Variants in SFXN4 observed in about 807,000 individuals in gnomAD.
The protein encoded by SFXN4 is sideroflexin-4.
Under a neutral mutation model 54.6 loss-of-function variants are expected in SFXN4, and 48 were observed. The observed-to-expected ratio is 0.88, with a 90% CI of 0.70 to 1.12. The LOEUF is 1.12. Ranked by LOEUF, SFXN4 falls within the 50% of genes most tolerant of loss-of-function variation. The probability of loss-of-function intolerance (pLI) is 0.00; values close to 1 mark genes in which losing one functional copy is unlikely to be tolerated. For missense variants in SFXN4, 383 were observed against 409.2 expected, an observed-to-expected ratio of 0.94 and a Z score of 0.55; for synonymous variants, 130 against 145.5, an observed-to-expected ratio of 0.89 and a Z score of 0.77.
At chr10:119,155,248 T>G in intron 10 of SFXN4, 71 bp from the exon 11 acceptor site, 1 of 1,062,140 alleles carries the variant, frequency 9.4e-7, no homozygotes, top group East Asian at 2.4e-5. Context: ...AACATCTCTT[T>G]GGGTGTCTGC....
chr10:119,164,302 C>T lies in SFXN4; in HGVS notation c.112-106G>A, dbSNP rs552068092. 1.3e-5 allele frequency: 8 copies of T among 627,392 alleles called. No homozygotes were observed. In the African/African-American group the frequency reaches 1.3e-4, roughly 10 times the overall value. The allele number at this position is 627,392 out of a possible 1,614,324, so 38.9% of individuals were successfully genotyped here. ...TTTTTTTCTGAGAACCTGCCAGGGT[C>T]TGTGATCTGCCTTTTACTGGCATCA... On this transcript the variant is annotated intron_variant, in intron 1 of 13. Transcript: ENST00000355697.
At chr10:119,163,824 G>A (rs371609182) in intron 2 of SFXN4, among the ~76,000 whole-genome samples, 1 of 152,008 alleles carries the variant, frequency 6.6e-6, no homozygotes, top group Non-Finnish European at 1.5e-5. Flanking sequence ...GGCAGGGCCT[G>A]AGGTCGGGAG....
At chr10:119,147,432 G>C (rs1846863829) in intron 12 of SFXN4, among the ~76,000 whole-genome samples, 1 of 152,176 alleles carries the variant, frequency 6.6e-6, no homozygotes, top group African/African-American at 2.4e-5. Flanking sequence ...TTAGAGAGGA[G>C]GGCTTGAGCA....
At chr10:119,141,683 A>G (rs576527714) in intron 13 of SFXN4, among the ~76,000 whole-genome samples, 4 of 151,810 alleles carry the variant, frequency 2.6e-5, no homozygotes, top group South Asian at 2.1e-4. Flanking sequence ...TCCTTGGCCC[A>G]TTATTGTTAT....
At chr10:119,164,044 A>C (rs79146319) in intron 2 of SFXN4, 87 bp downstream of exon 2, 7 of 477,450 alleles carry the variant, frequency 1.5e-5, no homozygotes, top group Admixed American at 4.5e-5. Flanking sequence ...CCGTCTCAAA[A>C]AAAAAAAAAA....
intron 12 of SFXN4, among the ~76,000 whole-genome samples, chr10:119,147,518 G>A (rs563021201): frequency 2.0e-5 from 3 of 152,326 alleles, no homozygotes; most frequent in South Asian, 4.1e-4. Context: ...GGAAATGGCC[G>A]TGGAAGGTCC....
At position 119,158,019 on chromosome 10, in the gene SFXN4, A is replaced by G. The variant is rs1847344285; in HGVS notation, c.404T>C (p.Ile135Thr). The G allele has an allele frequency of 1.2e-6, 2 of 1,614,102 alleles. No homozygotes were observed. Among genetic ancestry groups the G allele is most frequent in the Non-Finnish European group, 1.7e-6 (2 of 1,180,024 alleles). Residue 135 changes from isoleucine to threonine, a missense_variant, in exon 7 of 14, where the codon ATT becomes ACT. Coordinates refer to ENST00000355697, the MANE Select transcript of SFXN4 (RefSeq NM_213649.2). ...AGGAAGAATGGCTACCTGAGGTAAA[A>G]TCACGGACTTGATCCCTTTCAGTGG... is the stretch of plus-strand genomic sequence containing the variant. The part of the protein sequence containing the change: ...MTPLKGIKSV[I>T]LPQVFLCAYM...
rs781706444 is a variant in SFXN4, at chr10:119,157,927, C to T, written c.415G>A (p.Val139Ile). The T allele has an allele frequency of 1.2e-6, 2 of 1,614,112 alleles. No individual in the cohort carries two copies. Among genetic ancestry groups the T allele is most frequent in the African/African-American group, 2.7e-5 (2 of 74,934 alleles). Residue 139 changes from valine to isoleucine, a missense_variant and splice_region_variant, in exon 8 of 14, where the codon GTT becomes ATT. Transcript: ENST00000355697. Reference sequence around the variant, plus strand: ...GCTGCCATGTAGGCACAGAGGAAAACCTGCCGAGAGGGGCAAATGGATCGC... The same window carrying T: ...GCTGCCATGTAGGCACAGAGGAAAATCTGCCGAGAGGGGCAAATGGATCGC... The part of the protein sequence containing the change: ...KGIKSVILPQ[V>I]FLCAYMAAFN...
chr10:119,159,798 C>G lies in SFXN4; in HGVS notation c.335-45G>C, dbSNP rs1391790040. 3 of 1,612,594 alleles carry G rather than the reference C, an allele frequency of 1.9e-6. No homozygotes were observed. The Admixed American group carries it at 5.0e-5, about 27-fold the overall frequency. Reference sequence around the variant, plus strand: ...GGAGGTGTCAGTGATCACAGTTGCCCAGGCAGAGGGGGCCAGAAGGGGACT... The same window carrying G: ...GGAGGTGTCAGTGATCACAGTTGCCGAGGCAGAGGGGGCCAGAAGGGGACT... On this transcript the variant is annotated intron_variant, in intron 5 of 13. Coordinates refer to ENST00000355697, the MANE Select transcript of SFXN4 (RefSeq NM_213649.2).
intron 2 of SFXN4, among the ~76,000 whole-genome samples, chr10:119,163,452 C>T (rs1265790677): frequency 6.6e-6 from 1 of 152,088 alleles, no homozygotes; most frequent in Non-Finnish European, 1.5e-5. Flanking sequence ...GGCTGGAGTG[C>T]AGTGGCAAGA....
chr10:119,162,446 A>C, intron 2 of SFXN4, 32 bp from the exon 3 acceptor site: 2 of 1,559,742 alleles, frequency 1.3e-6, no homozygotes, highest in Non-Finnish European at 1.8e-6. Context: ...TCAAGTAATG[A>C]TCTCAACATT....
At chr10:119,147,936 C>T (rs1206739643) in intron 11 of SFXN4, 76 bp from the exon 12 acceptor site, 8 of 1,185,426 alleles carry the variant, frequency 6.7e-6, no homozygotes, top group African/African-American at 3.0e-5. Flanking sequence ...TTTGGGAGGC[C>T]GAGGCGGGTA....
rs2133573218 is a variant in SFXN4, at chr10:119,146,235, C to T, written c.936+1G>A. On this transcript the variant is annotated splice_donor_variant, in intron 13 of 13. Coordinates refer to ENST00000355697, the MANE Select transcript of SFXN4 (RefSeq NM_213649.2). LOFTEE classifies it high-confidence loss of function. ...GAGAAAAGAGGAATGGGGGCACTTA[C>T]CTGTCCAATCTGTGGAAATATACTA... 2 of 1,550,732 alleles carry T rather than the reference C, an allele frequency of 1.3e-6. No individual in the cohort carries two copies. The highest frequency in any genetic ancestry group is 8.9e-7 in the Non-Finnish European group (1 of 1,124,756).
chr10:119,158,275 C>G (rs763251989), intron 6 of SFXN4: 5 of 585,256 alleles, frequency 8.5e-6, no homozygotes, highest in Non-Finnish European at 1.5e-5. Flanking sequence ...CATCCAGGGT[C>G]GAACAGCAGG....
chr10:119,164,640 T>C (rs573611503), intron 1 of SFXN4, among the ~76,000 whole-genome samples: 1 of 152,260 alleles, frequency 6.6e-6, no homozygotes, highest in South Asian at 2.1e-4. Flanking sequence ...AAGGGCTCAA[T>C]GGTGCAGCTG....
chr10:119,158,671 G>A (rs1158085744), intron 6 of SFXN4, among the ~76,000 whole-genome samples: 2 of 148,616 alleles, frequency 1.3e-5, no homozygotes, highest in African/African-American at 5.0e-5. Flanking sequence ...AAAGCAGACA[G>A]GAGCCTGTGG....
chr10:119,164,272 T>TTC (rs1314210166), intron 1 of SFXN4, 76 bp from the exon 2 acceptor site: 1 of 888,358 alleles, frequency 1.1e-6, no homozygotes, highest in East Asian at 2.6e-5. Flanking sequence ...AGTTGGCTTT[T>TTC]TTTTTTTTTT....
chr10:119,164,031 A>C (rs1385551674), intron 2 of SFXN4, 100 bp downstream of exon 2: 5 of 801,636 alleles, frequency 6.2e-6, no homozygotes, highest in Non-Finnish European at 1.0e-5. Context: ...GAAGAACGAA[A>C]CTCCGTCTCA....
intron 4 of SFXN4, 33 bp downstream of exon 4, chr10:119,161,022 G>C (rs1387476757): frequency 6.2e-7 from 1 of 1,614,030 alleles, no homozygotes; most frequent in Non-Finnish European, 8.5e-7. Flanking sequence ...GTTATTATAG[G>C]ACACTAAAAA....
Sources: gnomAD v4.1 joint callset for allele counts (sites outside exome capture counted in the v4.1 genomes callset) on GRCh38, gnomAD v4.1.1 for gene constraint, MANE v1.5 for transcripts, NCBI Gene and HGNC (gene_info 2026-07-23, HGNC 2026-07-21) for gene names.